MAML2: variants seen among roughly 807,000 people sequenced by gnomAD.
The protein encoded by MAML2 is mastermind-like protein 2.
MAML2 carries 22 observed loss-of-function variants against 96.1 expected under a neutral mutation model. The observed-to-expected ratio is 0.23, with a 90% CI of 0.16 to 0.33. The LOEUF (loss-of-function observed/expected upper bound fraction) is 0.33, where lower values mean the gene tolerates loss of function less well. MAML2 is among the 10% of genes least tolerant of loss of function. MAML2 has a pLI of 1.00. For synonymous variants in MAML2, 561 were observed against 521.3 expected (o/e 1.08, Z -1.04); for missense variants, 1,367 against 1,392.4 (o/e 0.98, Z 0.29).
chr11:96,177,550 T>C (rs1432590483), intron 1 of MAML2, among the ~76,000 whole-genome samples: 1 of 152,152 alleles, frequency 6.6e-6, no homozygotes, highest in Non-Finnish European at 1.5e-5. Context: ...AATCTGACAA[T>C]GTGGTGGGGG....
chr11:96,219,295 C>T lies in MAML2; in HGVS notation c.513+122088G>A, dbSNP rs1353391132. Among the ~76,000 whole-genome samples the T allele has an allele frequency of 5.3e-5, 8 of 152,324 alleles. No individual in the cohort carries two copies. The East Asian group carries it at 1.2e-3, about 22-fold the overall frequency. ...CCATTCCTGTACATGTCTCACCTTT[C>T]AATCTAAGCACTTTCGGATTCTTCA... On this transcript the variant is annotated intron_variant, in intron 1 of 4. Coordinates refer to ENST00000524717, the MANE Select transcript of MAML2 (RefSeq NM_032427.4).
At chr11:96,079,768 A>C (rs1348482723) in intron 2 of MAML2, among the ~76,000 whole-genome samples, 1 of 152,178 alleles carries the variant, frequency 6.6e-6, no homozygotes, top group African/African-American at 2.4e-5. Context: ...TAAACAAACA[A>C]ATAGAGAGAC....
At chr11:96,022,853 A>G (rs1590966546) in intron 2 of MAML2, among the ~76,000 whole-genome samples, 1 of 152,346 alleles carries the variant, frequency 6.6e-6, no homozygotes, top group Middle Eastern at 3.4e-3. Context: ...CAGTATTATG[A>G]CAATGAGGAT....
At chr11:96,000,951 G>A (rs1243203953) in intron 2 of MAML2, among the ~76,000 whole-genome samples, 1 of 152,184 alleles carries the variant, frequency 6.6e-6, no homozygotes, top group East Asian at 1.9e-4. Context: ...AAAAACAGAA[G>A]AAAGTATTTG....
At chr11:96,072,556 T>C (rs1859363712) in intron 2 of MAML2, among the ~76,000 whole-genome samples, 1 of 152,220 alleles carries the variant, frequency 6.6e-6, no homozygotes, top group Non-Finnish European at 1.5e-5. Context: ...AGTATTTACA[T>C]AGTTTACATA....
Position 95,978,858 on chromosome 11 carries a change from C to T in MAML2, c.*90G>A, listed in dbSNP as rs1182772361. 1 of 1,167,666 alleles carries T rather than the reference C, an allele frequency of 8.6e-7. No homozygotes were observed. Among genetic ancestry groups the T allele is most frequent in the Non-Finnish European group, 1.2e-6 (1 of 846,652 alleles). 72.3% of individuals were successfully genotyped at this position (1,167,666 alleles called of 1,614,324 possible). ...AAGCATGTTATCTTCATGTAGTCCACCTGAACATCAACAGTTCAGCCTCTA... is the reference window on the plus strand; with the variant it reads ...AAGCATGTTATCTTCATGTAGTCCATCTGAACATCAACAGTTCAGCCTCTA... On this transcript the variant is annotated 3_prime_UTR_variant, in exon 5 of 5. Transcript: ENST00000524717.
intron 1 of MAML2, among the ~76,000 whole-genome samples, chr11:96,246,911 T>G (rs963525164): frequency 6.6e-6 from 1 of 152,192 alleles, no homozygotes; most frequent in East Asian, 1.9e-4. Context: ...GTCTCTATTG[T>G]TAATGCCAAG....
intron 1 of MAML2, among the ~76,000 whole-genome samples, chr11:96,096,968 AG>A (rs1859839792): frequency 6.6e-6 from 1 of 151,920 alleles, no homozygotes; most frequent in African/African-American, 2.4e-5. Context: ...TTTTGGGGAT[AG>A]GCTGTGCCCT....
At chr11:96,159,992 C>T (rs1291678036) in intron 1 of MAML2, among the ~76,000 whole-genome samples, 2 of 152,186 alleles carry the variant, frequency 1.3e-5, no homozygotes, top group Non-Finnish European at 2.9e-5. Context: ...TAGCTGCGTG[C>T]TCTGTAGTGT....
intron 1 of MAML2, among the ~76,000 whole-genome samples, chr11:96,222,847 A>T (rs1862159545): frequency 6.6e-6 from 1 of 152,198 alleles, no homozygotes; most frequent in Non-Finnish European, 1.5e-5. Flanking sequence ...TTATTTTTAT[A>T]AAAATATTTA....
At chr11:96,163,907 T>C (rs1399489508) in intron 1 of MAML2, among the ~76,000 whole-genome samples, 6 of 149,916 alleles carry the variant, frequency 4.0e-5, no homozygotes, top group Non-Finnish European at 8.9e-5. Context: ...TTGTTGCCCA[T>C]GCGGGAGTGC....
At chr11:96,199,793 A>G (rs1000725472) in intron 1 of MAML2, among the ~76,000 whole-genome samples, 1 of 152,242 alleles carries the variant, frequency 6.6e-6, no homozygotes, top group Non-Finnish European at 1.5e-5. Flanking sequence ...TCAGAGGAAA[A>G]CAGTGACAAC....
chr11:96,047,762 A>C (rs1466067294), intron 2 of MAML2, among the ~76,000 whole-genome samples: 1 of 151,914 alleles, frequency 6.6e-6, no homozygotes, highest in African/African-American at 2.4e-5. Context: ...TACAAAAATT[A>C]GCTGGGCATG....
chr11:96,111,798 A>G (rs1591019877), intron 1 of MAML2, among the ~76,000 whole-genome samples: 1 of 152,382 alleles, frequency 6.6e-6, no homozygotes, highest in Admixed American at 6.5e-5. Context: ...ACAGCTGGCT[A>G]TGCCCAATCC....
chr11:96,301,084 G>A lies in MAML2; in HGVS notation c.513+40299C>T, dbSNP rs192575487. 4.6e-5 allele frequency among the ~76,000 whole-genome samples: 7 copies of A among 152,276 alleles called. No individual in the cohort carries two copies. In the South Asian group the frequency reaches 1.0e-3, roughly 23 times the overall value. ...ATAACTAGCCTTATGGTTTGGATAA[G>A]TCCGTTGGTAGAAAGGATTTTAACA... On this transcript the variant is annotated intron_variant, in intron 1 of 4. Transcript: ENST00000524717.
At chr11:96,282,645 G>C (rs1863088518) in intron 1 of MAML2, among the ~76,000 whole-genome samples, 1 of 152,314 alleles carries the variant, frequency 6.6e-6, no homozygotes, top group African/African-American at 2.4e-5. Flanking sequence ...GAGGTTTCTT[G>C]ATTCAAATTA....
intron 2 of MAML2, among the ~76,000 whole-genome samples, chr11:96,025,803 C>T (rs1192162836): frequency 6.6e-5 from 10 of 152,066 alleles, no homozygotes; most frequent in South Asian, 6.2e-4. Flanking sequence ...CCTCATGATC[C>T]GCCCACCTCA....
intron 1 of MAML2, among the ~76,000 whole-genome samples, chr11:96,210,114 A>G (rs1047294506): frequency 6.6e-6 from 1 of 151,954 alleles, no homozygotes; most frequent in Non-Finnish European, 1.5e-5. Context: ...TTTTATTTTT[A>G]TTATTTTTTA....
At chr11:96,056,055 CTT>C (rs1290799357) in intron 2 of MAML2, among the ~76,000 whole-genome samples, 1 of 152,136 alleles carries the variant, frequency 6.6e-6, no homozygotes, top group Non-Finnish European at 1.5e-5. Flanking sequence ...AATCAAAAGA[CTT>C]GTGTGACTTG....
Sources: gnomAD v4.1 joint callset for allele counts (sites outside exome capture counted in the v4.1 genomes callset) on GRCh38, gnomAD v4.1.1 for gene constraint, MANE v1.5 for transcripts, NCBI Gene and HGNC (gene_info 2026-07-23, HGNC 2026-07-21) for gene names.